Variants in MBD5 observed in about 807,000 individuals in gnomAD.
The protein encoded by MBD5 is methyl-CpG-binding domain protein 5.
In MBD5, 13 loss-of-function variants were observed where a neutral mutation model predicts 117.3. The observed-to-expected ratio is 0.11, with a 90% CI of 0.07 to 0.18. MBD5 has a LOEUF of 0.18. MBD5 is among the 10% of genes least tolerant of loss of function. The pLI, the probability that MBD5 is intolerant of heterozygous loss-of-function variation, is 1.00. For missense variants in MBD5, 1,879 were observed against 2,093.8 expected (o/e 0.90, Z 2.00); for synonymous variants, 727 against 766.4 (o/e 0.95, Z 0.85).
intron 1 of MBD5, among the ~76,000 whole-genome samples, chr2:148,138,102 G>A (rs1001809157): frequency 6.6e-6 from 1 of 152,086 alleles, no homozygotes; most frequent in African/African-American, 2.4e-5. Flanking sequence ...TAACAACAAG[G>A]ACAAAAATAA....
rs561680697 is a variant in MBD5 at position 148,307,168 on chromosome 2, T to C, written c.-679-35046T>C. The stretch of plus-strand genomic sequence containing the variant: ...AATTATAAAAGGTTTTGCAGGCAAA[T>C]ACAGAAATTTACATAATTGTAAAAA... On this transcript the variant is annotated intron_variant, in intron 3 of 13. Coordinates refer to ENST00000642680, the MANE Select transcript of MBD5 (RefSeq NM_001378120.1). Among the ~76,000 whole-genome samples, 48 of 152,222 alleles carry C rather than the reference T, an allele frequency of 3.2e-4. 1 individual carries two copies. The highest frequency in any genetic ancestry group is 6.0e-4 in the Non-Finnish European group (41 of 67,964).
intron 4 of MBD5, among the ~76,000 whole-genome samples, chr2:148,342,911 C>T (rs1331362041): frequency 6.6e-6 from 1 of 151,964 alleles, no homozygotes; most frequent in Non-Finnish European, 1.5e-5. Flanking sequence ...AGTTTTTCAA[C>T]TCTTGCTCCC....
intron 3 of MBD5, among the ~76,000 whole-genome samples, chr2:148,335,862 A>G (rs1395449352): frequency 3.9e-5 from 6 of 152,224 alleles, no homozygotes; most frequent in South Asian, 4.1e-4. Flanking sequence ...TTTGACTTCT[A>G]TATTTTATGG....
chr2:148,106,265 TG>T (rs1405567644), intron 1 of MBD5, among the ~76,000 whole-genome samples: 4 of 151,986 alleles, frequency 2.6e-5, no homozygotes, highest in Non-Finnish European at 5.9e-5. Context: ...TGTTAAATTT[TG>T]CTTTAGGTAT....
chr2:148,499,120 C>G, intron 11 of MBD5, among the ~76,000 whole-genome samples: 1 of 151,794 alleles, frequency 6.6e-6, no homozygotes, highest in Non-Finnish European at 1.5e-5. Context: ...TAATGAGAAC[C>G]CTGTTTCTAC....
chr2:148,254,535 A>G (rs1228598555), intron 3 of MBD5, among the ~76,000 whole-genome samples: 2 of 152,136 alleles, frequency 1.3e-5, no homozygotes, highest in Non-Finnish European at 2.9e-5. Flanking sequence ...AGCTGAGAGC[A>G]TAGCACCTCC....
At chr2:148,185,690 T>C (rs1698636362) in intron 2 of MBD5, among the ~76,000 whole-genome samples, 1 of 152,086 alleles carries the variant, frequency 6.6e-6, no homozygotes, top group Non-Finnish European at 1.5e-5. Flanking sequence ...TCACTTGAGC[T>C]AAGGAGTTCA....
At chr2:148,054,761 A>T (rs1187511828) in intron 1 of MBD5, 1 of 152,250 alleles carries the variant, frequency 6.6e-6, no homozygotes, top group African/African-American at 2.4e-5. Flanking sequence ...ACTTTGAGAA[A>T]CACTACCCTT....
chr2:148,402,353 G>A (rs1227038248), intron 4 of MBD5, among the ~76,000 whole-genome samples: 1 of 151,938 alleles, frequency 6.6e-6, no homozygotes. Context: ...AAGAAGAGCT[G>A]TTTCTTCTTT....
chr2:148,280,139 A>AC lies in MBD5; in HGVS notation c.-680+46744_-680+46745insC, dbSNP rs1187415546. 2.3e-3 allele frequency among the ~76,000 whole-genome samples: 353 copies of AC among 150,898 alleles called. 4 individuals carry two copies. The highest frequency in any genetic ancestry group is 8.0e-3 in the African/African-American group (330 of 41,294). On this transcript the variant is annotated intron_variant, in intron 3 of 13. Coordinates refer to ENST00000642680, the MANE Select transcript of MBD5 (RefSeq NM_001378120.1). ...CTTTTAAAAACTAACTGCAAAAAAA[A>AC]AAAAAAAAAAACAAAAAGAAAAAAC...
chr2:148,444,913 A>G (rs1317835337), intron 4 of MBD5, among the ~76,000 whole-genome samples: 1 of 151,008 alleles, frequency 6.6e-6, no homozygotes, highest in Non-Finnish European at 1.5e-5. Flanking sequence ...TTGATGTCCA[A>G]TACTTGCACC....
intron 3 of MBD5, among the ~76,000 whole-genome samples, chr2:148,265,550 T>A (rs1700836665): frequency 6.8e-3 from 1 of 148 alleles, no homozygotes; most frequent in African/African-American, 0.02. Context: ...AAAAAACTAT[T>A]TTTTCATACC....
At chr2:148,123,269 A>G (rs923162034) in intron 1 of MBD5, among the ~76,000 whole-genome samples, 2 of 152,240 alleles carry the variant, frequency 1.3e-5, no homozygotes, top group Non-Finnish European at 1.5e-5. Flanking sequence ...TGTCACATGA[A>G]CAGATATATG....
chr2:148,238,371 AT>A (rs960081879), intron 3 of MBD5, among the ~76,000 whole-genome samples: 2 of 152,212 alleles, frequency 1.3e-5, no homozygotes, highest in African/African-American at 2.4e-5. Context: ...CTGTTCTAAA[AT>A]TTTAACTGAA....
At chr2:148,051,762 A>G (rs1327466626) in intron 1 of MBD5, among the ~76,000 whole-genome samples, 2 of 152,006 alleles carry the variant, frequency 1.3e-5, no homozygotes, top group Admixed American at 6.6e-5. Context: ...ATTAAATTTT[A>G]TAGTATTTTG....
chr2:148,411,820 T>G (rs1705259922), intron 4 of MBD5, among the ~76,000 whole-genome samples: 1 of 152,136 alleles, frequency 6.6e-6, no homozygotes, highest in African/African-American at 2.4e-5. Flanking sequence ...ATAGTTTCTT[T>G]TACTATGCAG....
intron 1 of MBD5, among the ~76,000 whole-genome samples, chr2:148,177,697 C>T (rs999223658): frequency 2.6e-5 from 4 of 152,078 alleles, no homozygotes; most frequent in Admixed American, 2.0e-4. Flanking sequence ...TTTAAAAATA[C>T]CTGAGCCCTG....
chr2:148,274,970 A>G (rs1701072979), intron 3 of MBD5, among the ~76,000 whole-genome samples: 1 of 152,054 alleles, frequency 6.6e-6, no homozygotes, highest in African/African-American at 2.4e-5. Flanking sequence ...ACCTCAAGTG[A>G]TCCACCCACC....
intron 2 of MBD5, among the ~76,000 whole-genome samples, chr2:148,201,717 C>G (rs928141036): frequency 6.6e-6 from 1 of 152,108 alleles, no homozygotes; most frequent in Admixed American, 6.5e-5. Flanking sequence ...CGAAACAGCT[C>G]TCAGTGGAGA....
Sources: gnomAD v4.1 joint callset for allele counts (sites outside exome capture counted in the v4.1 genomes callset) on GRCh38, gnomAD v4.1.1 for gene constraint, MANE v1.5 for transcripts, NCBI Gene and HGNC (gene_info 2026-07-23, HGNC 2026-07-21) for gene names.